DENND6B: variants seen among roughly 807,000 people sequenced by gnomAD.
DENND6B encodes the protein protein DENND6B.
A neutral mutation model predicts 85.1 loss-of-function variants in DENND6B; 73 were observed. The observed-to-expected ratio is 0.86, with a 90% CI of 0.71 to 1.04. The LOEUF (loss-of-function observed/expected upper bound fraction) is 1.04. Among genes scored for constraint, DENND6B ranks in the 50% least tolerant of loss-of-function variants. The pLI, the probability that DENND6B is intolerant of heterozygous loss-of-function variation, is 0.00. For missense variants in DENND6B, 715 were observed against 785.8 expected (o/e 0.91, Z 1.08); for synonymous variants, 357 against 329.3 (o/e 1.08, Z -0.91).
chr22:50,315,039 TC>T, intron 9 of DENND6B, 118 bp from the exon 10 acceptor site: 1 of 1,412,346 alleles, frequency 7.1e-7, no homozygotes, highest in Non-Finnish European at 9.6e-7. Context: ...AGCACGCTGC[TC>T]CAGGGTGAAG....
intron 1 of DENND6B, among the ~76,000 whole-genome samples, chr22:50,320,040 G>A (rs528415415): frequency 1.8e-3 from 280 of 152,294 alleles, no homozygotes; most frequent in African/African-American, 6.4e-3. Flanking sequence ...ATTCCCAGTG[G>A]GCCCTGCAAT....
Position 50,313,813 on chromosome 22 carries a change from C to T in DENND6B, c.1203+1G>A, listed in dbSNP as rs1457367858. 22 of 1,611,930 alleles carry T rather than the reference C, an allele frequency of 1.4e-5. No homozygotes were observed. Among genetic ancestry groups the T allele is most frequent in the Non-Finnish European group, 1.8e-5 (21 of 1,179,660 alleles). ...CAGCCCCTGCCCCACAAACCATATA[C>T]CTTGAGCAGCCGTTTGAGCAGCGCC... On this transcript the variant is annotated splice_donor_variant, in intron 14 of 19. Transcript: ENST00000413817. LOFTEE classifies it high-confidence loss of function.
intron 2 of DENND6B, 30 bp from the exon 3 acceptor site, chr22:50,318,919 G>A (rs62241232): frequency 0.56 from 902,630 of 1,610,154 alleles, 257,965 homozygotes; most frequent in Non-Finnish European, 0.59. Context: ...GGTGAGGGCC[G>A]ACCCACTCCT....
intron 1 of DENND6B, among the ~76,000 whole-genome samples, chr22:50,322,175 C>T (rs1037443221): frequency 2.0e-5 from 3 of 149,526 alleles, no homozygotes; most frequent in Admixed American, 6.7e-5. Context: ...CCCGGGTTCA[C>T]GACATTCTCC....
chr22:50,312,420 G>A lies in DENND6B; in HGVS notation c.1561-3C>T. On this transcript the variant is annotated splice_region_variant and splice_polypyrimidine_tract_variant and intron_variant, in intron 18 of 19. Transcript: ENST00000413817. ...TCTTTCATCCAGGTCTCGATGTTCTGCAGGGCAAGACGGGGTCTACTGTCA... is the reference window on the plus strand; with the variant it reads ...TCTTTCATCCAGGTCTCGATGTTCTACAGGGCAAGACGGGGTCTACTGTCA... The A allele has an allele frequency of 1.2e-6, 2 of 1,610,180 alleles. No homozygotes were observed. The highest frequency in any genetic ancestry group is 3.3e-4 in the Middle Eastern group (2 of 6,056).
In DENND6B at chr22:50,316,071, C is replaced by T. The variant is rs779757507; in HGVS notation, c.656G>A (p.Arg219Lys). The change falls in exon 8 of 20, where the codon AGG (arginine) becomes AAG (lysine). Residue 219 changes from arginine (R) to lysine (K), a missense_variant. By Grantham distance (26) the Arg-to-Lys change is conservative. Transcript: ENST00000413817. ...AGGACTGGACTCGGACTTGTCCACCCTGGATGGGATGCGCACCTGGGAGAA... is the reference window on the plus strand; with the variant it reads ...AGGACTGGACTCGGACTTGTCCACCTTGGATGGGATGCGCACCTGGGAGAA... ...GVVVQVRIPS[R>K]VDKSESSPPK... The T allele has an allele frequency of 1.2e-6, 2 of 1,612,636 alleles. No individual in the cohort carries two copies. Among genetic ancestry groups the T allele is most frequent in the Non-Finnish European group, 1.7e-6 (2 of 1,179,786 alleles).
intron 1 of DENND6B, among the ~76,000 whole-genome samples, chr22:50,326,023 C>T (rs1365266288): frequency 6.6e-6 from 1 of 152,260 alleles, no homozygotes; most frequent in Non-Finnish European, 1.5e-5. Context: ...CGCGGGGAAG[C>T]CTCCCTCCAT....
intron 9 of DENND6B, 103 bp downstream of exon 9, chr22:50,315,611 C>A: frequency 7.5e-7 from 1 of 1,334,492 alleles, no homozygotes; most frequent in Admixed American, 2.5e-5. Context: ...CGCAGACACA[C>A]ACGCACACAC....
At chr22:50,319,921 GGT>G (rs1213491986) in intron 1 of DENND6B, among the ~76,000 whole-genome samples, 2 of 152,280 alleles carry the variant, frequency 1.3e-5, no homozygotes, top group South Asian at 4.1e-4. Context: ...TTGGAAGACA[GGT>G]GTGCGCTGAC....
Position 50,312,093 on chromosome 22 carries a change from G to A in DENND6B, c.*46C>T. On this transcript the variant is annotated 3_prime_UTR_variant, in exon 20 of 20. Transcript: ENST00000413817. ...TGCCGCCACCACTGGGGAGTGGGAG[G>A]CTCAGGCAGACCTAGGGCCCTGGGA... The A allele has an allele frequency of 8.1e-6, 13 of 1,599,204 alleles. No individual in the cohort carries two copies. Among genetic ancestry groups the A allele is most frequent in the African/African-American group, 1.3e-5 (1 of 74,768 alleles).
At position 50,310,818 on chromosome 22, in the gene DENND6B, C is replaced by G. The variant is rs2068049939; in HGVS notation, c.*1321G>C. The G allele has an allele frequency of 1.3e-5, 2 of 152,094 alleles. No individual in the cohort carries two copies. Among genetic ancestry groups the G allele is most frequent in the African/African-American group, 4.8e-5 (2 of 41,414 alleles). The allele number at this position is 152,094 out of a possible 1,614,324, so 9.4% of individuals were successfully genotyped here. ...AATTAACCAAGCGCAGTGGTGGGTG[C>G]CTGTAGTCCCAGCTACTCGGGAGGC... On this transcript the variant is annotated 3_prime_UTR_variant, in exon 20 of 20. Transcript: ENST00000413817.
Position 50,312,336 on chromosome 22 carries a change from A to C in DENND6B, c.1635+7T>G. ...TGGCGCTGGGACAAGGCTGGGAGGC[A>C]TCTTACCAGCTTCTCACGAAGTTTC... On this transcript the variant is annotated splice_region_variant and intron_variant, in intron 19 of 19. Transcript: ENST00000413817. The C allele has an allele frequency of 1.9e-6, 3 of 1,611,502 alleles. No individual in the cohort carries two copies. The highest frequency in any genetic ancestry group is 2.5e-6 in the Non-Finnish European group (3 of 1,179,294).
chr22:50,313,789 AG>A (rs1569196973), intron 14 of DENND6B, 24 bp downstream of exon 14: 4 of 1,610,992 alleles, frequency 2.5e-6, no homozygotes, highest in Non-Finnish European at 3.4e-6. Context: ...CTGCGTCCCC[AG>A]CCCCTGCCCC....
Position 50,313,121 on chromosome 22 carries a change from G to A in DENND6B, c.1348-13C>T, listed in dbSNP as rs2068106579. The A allele has an allele frequency of 1.9e-6, 3 of 1,550,752 alleles. No homozygotes were observed. The highest frequency in any genetic ancestry group is 2.6e-6 in the Non-Finnish European group (3 of 1,146,812). ...TCTGGGGGGGAGTCTGAGAGGGGAT[G>A]GGTGAGCCAGCACGTGGGAACTCGG... On this transcript the variant is annotated splice_polypyrimidine_tract_variant and intron_variant, in intron 16 of 19. Transcript: ENST00000413817.
At chr22:50,314,348 C>T (rs1241021351) in intron 12 of DENND6B, 52 bp downstream of exon 12, 7 of 1,578,666 alleles carry the variant, frequency 4.4e-6, no homozygotes, top group Non-Finnish European at 4.3e-6. Context: ...GGCGGCCCCA[C>T]ACTCAACGAG....
chr22:50,315,161 G>A (rs1569199533), intron 9 of DENND6B: 4 of 574,684 alleles, frequency 7.0e-6, no homozygotes, highest in African/African-American at 3.8e-5. Flanking sequence ...GGACCCACCT[G>A]TGAGGGACCA....
intron 5 of DENND6B, 105 bp downstream of exon 5, chr22:50,317,188 G>C (rs2041878167): frequency 3.3e-6 from 4 of 1,223,584 alleles, no homozygotes; most frequent in Non-Finnish European, 4.6e-6. Flanking sequence ...AGGAGGGGTG[G>C]GCACTGCTGG....
Position 50,313,540 on chromosome 22 carries a change from C to T in DENND6B, c.1294-41G>A, listed in dbSNP as rs1031499990. The T allele has an allele frequency of 6.0e-6, 9 of 1,509,468 alleles. No homozygotes were observed. In the Admixed American group the frequency reaches 6.7e-5, roughly 11 times the overall value. The allele number at this position is 1,509,468 out of a possible 1,614,324, so 93.5% of individuals were successfully genotyped here. On this transcript the variant is annotated intron_variant, in intron 15 of 19. Transcript: ENST00000413817. ...AGGGGAGTGAGCCCGGGGACCCATG[C>T]CCCCCAGCCCCATCCCCCGCAGCCC...
intron 4 of DENND6B, 85 bp from the exon 5 acceptor site, chr22:50,317,458 G>A (rs2041889964): frequency 4.8e-6 from 7 of 1,460,832 alleles, no homozygotes; most frequent in Non-Finnish European, 6.6e-6. Flanking sequence ...GGAGCATGCA[G>A]GGACTGCTGC....
Sources: allele counts gnomAD v4.1 joint callset (sites outside exome capture counted in the v4.1 genomes callset), GRCh38; gene constraint gnomAD v4.1.1; transcripts MANE v1.5; gene names NCBI Gene and HGNC (gene_info 2026-07-23, HGNC 2026-07-21).